WIF1: variants seen among roughly 807,000 people sequenced by gnomAD.
The protein encoded by WIF1 is Wnt inhibitory factor 1.
A neutral mutation model predicts 53.5 loss-of-function variants in WIF1; 35 were observed. That is an observed-to-expected ratio of 0.65 (90% CI 0.50 to 0.87). The LOEUF is 0.87. WIF1 is among the 40% of genes least tolerant of loss of function. The pLI is 0.00. For synonymous variants in WIF1, 171 were observed against 170.4 expected (o/e 1.00, Z -0.03); for missense variants, 467 against 476.8 (o/e 0.98, Z 0.19).
chr12:65,056,252 TC>T (rs1372642292), intron 7 of WIF1, 126 bp from the exon 8 acceptor site: 8 of 779,458 alleles, frequency 1.0e-5, no homozygotes, highest in Non-Finnish European at 1.6e-5. Context: ...TTCATTTATT[TC>T]AGATCTACTC....
intron 2 of WIF1, among the ~76,000 whole-genome samples, chr12:65,105,473 C>CT: frequency 6.6e-6 from 1 of 152,302 alleles, no homozygotes; most frequent in Admixed American, 6.5e-5. Context: ...ATTCTGGTAG[C>CT]TGGAAAGCCC....
At chr12:65,061,509 G>A (rs568063500) in intron 7 of WIF1, among the ~76,000 whole-genome samples, 75 of 152,242 alleles carry the variant, frequency 4.9e-4, no homozygotes, top group African/African-American at 1.7e-3. Flanking sequence ...TGTTCTTCTG[G>A]ATTGTAAGGC....
At chr12:65,064,384 C>T (rs1004009632) in intron 6 of WIF1, among the ~76,000 whole-genome samples, 1 of 152,226 alleles carries the variant, frequency 6.6e-6, no homozygotes, top group Non-Finnish European at 1.5e-5. Context: ...GTATCTTTCT[C>T]TAGGGCTGAG....
chr12:65,100,823 C>T (rs1196118683), intron 2 of WIF1, among the ~76,000 whole-genome samples: 3 of 152,026 alleles, frequency 2.0e-5, no homozygotes, highest in Non-Finnish European at 2.9e-5. Context: ...GAGTTCAAGA[C>T]TAGCCTGGGC....
chr12:65,056,568 C>A (rs951869927), intron 7 of WIF1, among the ~76,000 whole-genome samples: 18 of 151,732 alleles, frequency 1.2e-4, no homozygotes, highest in African/African-American at 4.3e-4. Flanking sequence ...AACTGACTCA[C>A]AAATACTTGC....
rs373436398 is a variant in WIF1, at chr12:65,096,569, A to G, written c.289-18715T>C. Among the ~76,000 whole-genome samples, 48 of 152,344 alleles carry G rather than the reference A, an allele frequency of 3.2e-4. No homozygotes were observed. The East Asian group carries it at 3.7e-3, about 12-fold the overall frequency. On this transcript the variant is annotated intron_variant, in intron 2 of 9. Coordinates refer to ENST00000286574, the MANE Select transcript of WIF1 (RefSeq NM_007191.5). ...CTATTATAAAGACACATGCACACATATGTTTATTGCAGCACTATGTACAAT... is the reference window on the plus strand; with the variant it reads ...CTATTATAAAGACACATGCACACATGTGTTTATTGCAGCACTATGTACAAT...
intron 2 of WIF1, among the ~76,000 whole-genome samples, chr12:65,097,899 C>T (rs1038123915): frequency 2.0e-5 from 3 of 152,082 alleles, no homozygotes; most frequent in Non-Finnish European, 4.4e-5. Context: ...TCAAAATGTT[C>T]TAGTATCACA....
At position 65,051,343 on chromosome 12, in the gene WIF1, C is replaced by T. The variant is rs1310596443; in HGVS notation, c.*6G>A. Reference sequence around the variant, plus strand: ...GTGTAACTTAAAACGTTTCAGATGTCGGAGTTCACCAGATGTAATTGGATT... The same window carrying T: ...GTGTAACTTAAAACGTTTCAGATGTTGGAGTTCACCAGATGTAATTGGATT... On this transcript the variant is annotated 3_prime_UTR_variant, in exon 10 of 10. Coordinates refer to ENST00000286574, the MANE Select transcript of WIF1 (RefSeq NM_007191.5). 4 of 1,610,532 alleles carry T rather than the reference C, an allele frequency of 2.5e-6. No individual in the cohort carries two copies. Among genetic ancestry groups the T allele is most frequent in the Middle Eastern group, 1.7e-4 (1 of 6,002 alleles).
rs545100153 is a variant in WIF1, at chr12:65,074,186, AT to A, written c.397+3559del. Among the ~76,000 whole-genome samples, 332 of 151,340 alleles carry A rather than the reference AT, an allele frequency of 2.2e-3. 1 individual carries two copies. Among genetic ancestry groups the A allele is most frequent in the African/African-American group, 6.6e-3 (272 of 41,338 alleles). ...TAAGATTTTTATTTTTTATTTTTTT[AT>A]TTTTTTTATTATACTTTAAGTTTTA... On this transcript the variant is annotated intron_variant, in intron 3 of 9. Coordinates refer to ENST00000286574, the MANE Select transcript of WIF1 (RefSeq NM_007191.5).
chr12:65,062,655 A>G (rs1592388364), intron 6 of WIF1, 79 bp from the exon 7 acceptor site: 6 of 1,295,978 alleles, frequency 4.6e-6, no homozygotes, highest in Non-Finnish European at 5.4e-6. Flanking sequence ...GTGAGGTGCT[A>G]TTTTTTAGGC....
At chr12:65,066,153 T>C (rs560827294) in intron 6 of WIF1, among the ~76,000 whole-genome samples, 1 of 152,306 alleles carries the variant, frequency 6.6e-6, no homozygotes, top group East Asian at 1.9e-4. Flanking sequence ...GAGACCACTG[T>C]CCAGCCAGGG....
At chr12:65,098,389 C>G (rs768371415) in intron 2 of WIF1, among the ~76,000 whole-genome samples, 2 of 152,016 alleles carry the variant, frequency 1.3e-5, no homozygotes, top group Non-Finnish European at 2.9e-5. Context: ...ACTTTAGAGC[C>G]GGAAAAATTC....
intron 2 of WIF1, among the ~76,000 whole-genome samples, chr12:65,100,910 A>C (rs1457282845): frequency 6.6e-6 from 1 of 152,058 alleles, no homozygotes. Context: ...TTAAAAAAAA[A>C]CCATGTTTAC....
intron 6 of WIF1, among the ~76,000 whole-genome samples, chr12:65,063,427 C>T (rs1246452597): frequency 1.3e-5 from 2 of 152,276 alleles, no homozygotes; most frequent in Non-Finnish European, 1.5e-5. Flanking sequence ...GGATTTTTAG[C>T]AATTCCAGTT....
rs540468524 is a variant in WIF1, at chr12:65,077,869, A to G, written c.289-15T>C. ...AAGTATTCTGCCTACAACCAAAGGC[A>G]CTGACAGTTAGTAACATGGAAACCA... On this transcript the variant is annotated splice_polypyrimidine_tract_variant and intron_variant, in intron 2 of 9. Transcript: ENST00000286574. 1.1e-5 allele frequency: 18 copies of G among 1,595,906 alleles called. No homozygotes were observed. Among genetic ancestry groups the G allele is most frequent in the South Asian group, 8.9e-5 (8 of 90,190 alleles).
chr12:65,066,553 T>A, intron 6 of WIF1, 88 bp downstream of exon 6: 1 of 1,080,068 alleles, frequency 9.3e-7, no homozygotes, highest in Non-Finnish European at 1.3e-6. Context: ...TCAGAGCTGT[T>A]ATGAAGAGTG....
chr12:65,072,392 C>T (rs1882797858), intron 3 of WIF1, among the ~76,000 whole-genome samples: 2 of 152,084 alleles, frequency 1.3e-5, no homozygotes, highest in Admixed American at 6.6e-5. Context: ...TTACAAACAC[C>T]TATATATATT....
chr12:65,056,794 C>T (rs558234346), intron 7 of WIF1, among the ~76,000 whole-genome samples: 1 of 152,006 alleles, frequency 6.6e-6, no homozygotes, highest in South Asian at 2.1e-4. Flanking sequence ...GGAACACAGA[C>T]ATGTGCCACC....
rs116731554 is a variant in WIF1, at chr12:65,052,467, G to A, written c.1019-997C>T. 6.3e-3 allele frequency among the ~76,000 whole-genome samples: 952 copies of A among 152,168 alleles called. 10 individuals are homozygous for A. Among genetic ancestry groups the A allele is most frequent in the African/African-American group, 0.021 (863 of 41,528 alleles). Reference sequence around the variant, plus strand: ...GTTGGCGAGGGTGAGCCTATGCGGGGACTTCTGTCTCCAGTATCCTCCTCC... The same window carrying A: ...GTTGGCGAGGGTGAGCCTATGCGGGAACTTCTGTCTCCAGTATCCTCCTCC... On this transcript the variant is annotated intron_variant, in intron 9 of 9. Coordinates refer to ENST00000286574, the MANE Select transcript of WIF1 (RefSeq NM_007191.5).
Sources: gnomAD v4.1 joint callset for allele counts (sites outside exome capture counted in the v4.1 genomes callset) on GRCh38, gnomAD v4.1.1 for gene constraint, MANE v1.5 for transcripts, NCBI Gene and HGNC (gene_info 2026-07-23, HGNC 2026-07-21) for gene names.